Variants in SNTB2 observed in about 807,000 individuals in gnomAD.
The protein encoded by SNTB2 is beta-2-syntrophin.
SNTB2 carries 34 observed loss-of-function variants against 46.2 expected under a neutral mutation model. The observed-to-expected ratio is 0.74, with a 90% CI of 0.56 to 0.98. The LOEUF (loss-of-function observed/expected upper bound fraction) is 0.98, where lower values mean the gene tolerates loss of function less well. Among genes scored for constraint, SNTB2 ranks in the 50% least tolerant of loss-of-function variants. SNTB2 has a pLI of 0.00. For synonymous variants in SNTB2, 290 were observed against 312.6 expected (o/e 0.93, Z 0.76); for missense variants, 603 against 731.4 (o/e 0.82, Z 2.02).
At position 69,292,434 on chromosome 16, in the gene SNTB2, ATT is replaced by A. The variant is rs1567416541; in HGVS notation, c.1346-7155_1346-7154del. Among the ~76,000 whole-genome samples, 41 of 15,064 alleles carry A rather than the reference ATT, an allele frequency of 2.7e-3. 3 individuals carry two copies. Among genetic ancestry groups the A allele is most frequent in the Admixed American group, 2.9e-3 (3 of 1,048 alleles). 9.9% of individuals were successfully genotyped at this position (15,064 alleles called of 152,430 possible). A position where few individuals can be genotyped will look rare whatever the true frequency, so the allele number is the denominator to read the frequency against. ...ATATATATATTATATATATATATAT[ATT>A]ATATATATATAATTTTTTTTTTGAG... On this transcript the variant is annotated intron_variant, in intron 5 of 6. Transcript: ENST00000336278.
chr16:69,202,680 A>G (rs893473481), intron 1 of SNTB2, among the ~76,000 whole-genome samples: 7 of 152,058 alleles, frequency 4.6e-5, no homozygotes, highest in Non-Finnish European at 8.8e-5. Flanking sequence ...GGTTCAAGCA[A>G]TTCTCGTGCT....
chr16:69,187,419 G>C lies in SNTB2; in HGVS notation c.253G>C (p.Gly85Arg). 5 of 1,219,630 alleles carry C rather than the reference G, an allele frequency of 4.1e-6. No individual in the cohort carries two copies. The highest frequency in any genetic ancestry group is 5.1e-6 in the Non-Finnish European group (5 of 982,184). 75.6% of individuals were successfully genotyped at this position (1,219,630 alleles called of 1,614,324 possible). Residue 85 changes from glycine (G) to arginine (R), a missense_variant, in exon 1 of 7, where the codon GGG becomes CGG. By Grantham distance (125) the Gly-to-Arg change is moderately radical (BLOSUM62 -2). Transcript: ENST00000336278. ...NGGGAGDSLP[G>R]SPSRGLGPPS... Reference sequence around the variant, plus strand: ...CGGCGGCGCGGGCGACTCGCTGCCCGGGAGCCCAAGCCGCGGCCTGGGGCC... The same window carrying C: ...CGGCGGCGCGGGCGACTCGCTGCCCCGGAGCCCAAGCCGCGGCCTGGGGCC...
intron 2 of SNTB2, among the ~76,000 whole-genome samples, chr16:69,255,391 A>C (rs1389750307): frequency 1.3e-5 from 2 of 151,812 alleles, no homozygotes; most frequent in Non-Finnish European, 2.9e-5. Flanking sequence ...GAAACCCCGT[A>C]TCTACTAAAA....
chr16:69,308,584 A>AT lies in SNTB2; in HGVS notation c.*7662dup, dbSNP rs778155993. 1 of 152,168 alleles carries AT rather than the reference A, an allele frequency of 6.6e-6. No homozygotes were observed. The highest frequency in any genetic ancestry group is 1.5e-5 in the Non-Finnish European group (1 of 68,024). 9.4% of individuals were successfully genotyped at this position (152,168 alleles called of 1,614,324 possible). On this transcript the variant is annotated 3_prime_UTR_variant, in exon 7 of 7. Transcript: ENST00000336278. ...AAGATAATGTAGAAAACCACTACCTATTGAAGGCCTGTTTTGGCTAATCTG... is the reference window on the plus strand; with the variant it reads ...AAGATAATGTAGAAAACCACTACCTATTTGAAGGCCTGTTTTGGCTAATCTG...
At chr16:69,206,698 A>G (rs1263504305) in intron 1 of SNTB2, among the ~76,000 whole-genome samples, 2 of 143,224 alleles carry the variant, frequency 1.4e-5, no homozygotes, top group African/African-American at 2.5e-5. Context: ...TCTCAGAAAG[A>G]AAAAAAAAAA....
At chr16:69,290,608 T>C (rs955725250) in intron 5 of SNTB2, among the ~76,000 whole-genome samples, 1 of 152,180 alleles carries the variant, frequency 6.6e-6, no homozygotes, top group Non-Finnish European at 1.5e-5. Flanking sequence ...TTGGCAAATA[T>C]TTTTCAGTAT....
At chr16:69,281,445 C>A (rs1235955836) in intron 4 of SNTB2, among the ~76,000 whole-genome samples, 1 of 149,054 alleles carries the variant, frequency 6.7e-6, no homozygotes, top group Non-Finnish European at 1.5e-5. Context: ...GGTCAAAGAT[C>A]CATTTTGAGT....
Position 69,299,969 on chromosome 16 carries a change from G to T in SNTB2, c.1530+195G>T, listed in dbSNP as rs566846330. 5.3e-5 allele frequency among the ~76,000 whole-genome samples: 8 copies of T among 152,214 alleles called. No individual in the cohort carries two copies. The South Asian group carries it at 1.7e-3, about 32-fold the overall frequency. On this transcript the variant is annotated intron_variant, in intron 6 of 6. Transcript: ENST00000336278. Reference sequence around the variant, plus strand: ...TGTAGTGGTGCAATCATAGCTTCCTGCAGCCTATACCTTCTGGGCTCAAGT... The same window carrying T: ...TGTAGTGGTGCAATCATAGCTTCCTTCAGCCTATACCTTCTGGGCTCAAGT...
At chr16:69,243,818 C>T (rs1442280051) in intron 1 of SNTB2, among the ~76,000 whole-genome samples, 1 of 152,058 alleles carries the variant, frequency 6.6e-6, no homozygotes, top group East Asian at 1.9e-4. Flanking sequence ...CCCAGAAGCA[C>T]GTGTATTATA....
intron 1 of SNTB2, among the ~76,000 whole-genome samples, chr16:69,242,992 G>T (rs1427501962): frequency 7.0e-6 from 1 of 143,548 alleles, no homozygotes; most frequent in Non-Finnish European, 1.5e-5. Context: ...CTGCACTCCA[G>T]CCTGGGCGAC....
chr16:69,197,157 G>A (rs1022011820), intron 1 of SNTB2, among the ~76,000 whole-genome samples: 12 of 152,296 alleles, frequency 7.9e-5, no homozygotes, highest in African/African-American at 2.4e-4. Context: ...CCCAAAATGG[G>A]TTTGTAAATA....
chr16:69,256,984 A>G (rs1964783000), intron 2 of SNTB2, among the ~76,000 whole-genome samples: 1 of 152,148 alleles, frequency 6.6e-6, no homozygotes, highest in African/African-American at 2.4e-5. Context: ...AGCCTGGCCA[A>G]CATGGTGAAA....
chr16:69,223,092 C>T (rs183897634), intron 1 of SNTB2, among the ~76,000 whole-genome samples: 1 of 152,016 alleles, frequency 6.6e-6, no homozygotes, highest in South Asian at 2.1e-4. Context: ...TTATTACTTA[C>T]AATTCTTTTG....
In SNTB2 at chr16:69,187,304, G is replaced by A; in HGVS notation, c.138G>A (p.Glu46=). 2 of 1,470,450 alleles carry A rather than the reference G, an allele frequency of 1.4e-6. No individual in the cohort carries two copies. Among genetic ancestry groups the A allele is most frequent in the South Asian group, 2.6e-5 (2 of 77,084 alleles). The allele number at this position is 1,470,450 out of a possible 1,614,324, so 91.1% of individuals were successfully genotyped here. The change falls in exon 1 of 7, where the codon GAG becomes GAA. Residue 46 remains glutamate (E), a synonymous_variant. Transcript: ENST00000336278. The part of the protein sequence containing the change: ...WVRVVAELSG[E]SLSLTGDAAA... Reference sequence around the variant, plus strand: ...GAGTGGTGGCCGAGCTGAGCGGGGAGAGCCTGAGCCTGACGGGCGACGCCG... The same window carrying A: ...GAGTGGTGGCCGAGCTGAGCGGGGAAAGCCTGAGCCTGACGGGCGACGCCG...
chr16:69,203,081 C>CG (rs1345256023), intron 1 of SNTB2, among the ~76,000 whole-genome samples: 1 of 151,054 alleles, frequency 6.6e-6, no homozygotes, highest in Non-Finnish European at 1.5e-5. Flanking sequence ...CTCAGGGGCG[C>CG]GATCTCAGCT....
At chr16:69,199,670 A>C (rs1286340279) in intron 1 of SNTB2, among the ~76,000 whole-genome samples, 1 of 151,772 alleles carries the variant, frequency 6.6e-6, no homozygotes, top group African/African-American at 2.4e-5. Context: ...AATATTGAGC[A>C]ATCTAGATTG....
Position 69,239,142 on chromosome 16 carries a change from T to A in SNTB2, c.581-6460T>A. ...CTGGCTGGAATGTTTCTCCCAGATA[T>A]TTGCATGGCCAACTCCCCCATCTCC... On this transcript the variant is annotated intron_variant, in intron 1 of 6. Transcript: ENST00000336278. Among the ~76,000 whole-genome samples the A allele has an allele frequency of 1.3e-5, 2 of 152,112 alleles. 1 individual carries two copies.
At chr16:69,295,484 G>A (rs898427002) in intron 5 of SNTB2, among the ~76,000 whole-genome samples, 20 of 151,572 alleles carry the variant, frequency 1.3e-4, no homozygotes, top group African/African-American at 4.6e-4. Flanking sequence ...TCCTGACCTT[G>A]TGATCCACCC....
Position 69,301,002 on chromosome 16 carries a change from A to G in SNTB2, c.*78A>G. 2 of 913,326 alleles carry G rather than the reference A, an allele frequency of 2.2e-6. No homozygotes were observed. The highest frequency in any genetic ancestry group is 2.3e-5 in the Admixed American group (1 of 44,384). The allele number at this position is 913,326 out of a possible 1,614,324, so 56.6% of individuals were successfully genotyped here. A position where few individuals can be genotyped will look rare whatever the true frequency, so the allele number is the denominator to read the frequency against. ...CAAAAAAAAAAAAGCACAAAAAGAA[A>G]CTCTTTGCTCTCCTTCAGCACAGTG... is the stretch of plus-strand genomic sequence containing the variant. On this transcript the variant is annotated 3_prime_UTR_variant, in exon 7 of 7. Transcript: ENST00000336278.
Sources: allele counts gnomAD v4.1 joint callset (sites outside exome capture counted in the v4.1 genomes callset), GRCh38; gene constraint gnomAD v4.1.1; transcripts MANE v1.5; gene names NCBI Gene and HGNC (gene_info 2026-07-23, HGNC 2026-07-21).